WDR1: variants seen among roughly 807,000 people sequenced by gnomAD.
WDR1 encodes the protein WD repeat-containing protein 1.
WDR1 carries 21 observed loss-of-function variants against 71.9 expected under a neutral mutation model. The observed-to-expected ratio is 0.29, with a 90% confidence interval of 0.21 to 0.42. The LOEUF (loss-of-function observed/expected upper bound fraction) is 0.42. Ranked by LOEUF, WDR1 falls within the 10% of genes least tolerant of loss-of-function variation. The pLI is 1.00. For missense variants in WDR1, 696 were observed against 824.5 expected (o/e 0.84, Z 1.91); for synonymous variants, 424 against 347.4 (o/e 1.22, Z -2.45).
chr4:10,116,381 C>T, intron 1 of WDR1, 147 bp from the exon 2 acceptor site: 1 of 1,232,418 alleles, frequency 8.1e-7, no homozygotes, highest in East Asian at 2.5e-5. Flanking sequence ...GCGCCAGGAA[C>T]CGCGCGACTT....
chr4:10,114,836 G>T lies in WDR1; in HGVS notation c.138+1277C>A, dbSNP rs555836896. On this transcript the variant is annotated intron_variant, in intron 2 of 14. Transcript: ENST00000499869. ...CACACCCGCCCACCCCCTCATTTGAGGGGCCCAGCAATCCAGGGCAGGTAG... is the reference window on the plus strand; with the variant it reads ...CACACCCGCCCACCCCCTCATTTGATGGGCCCAGCAATCCAGGGCAGGTAG... 3.9e-5 allele frequency among the ~76,000 whole-genome samples: 6 copies of T among 152,292 alleles called. No individual in the cohort carries two copies. In the South Asian group the frequency reaches 1.2e-3, roughly 32 times the overall value.
intron 14 of WDR1, chr4:10,075,691 C>G (rs1764773439): frequency 5.0e-6 from 3 of 596,084 alleles, no homozygotes; most frequent in Non-Finnish European, 9.0e-6. Context: ...CCGGGTACCT[C>G]TTTTTTGTGT....
chr4:10,083,008 C>A lies in WDR1; in HGVS notation c.1196+14G>T, dbSNP rs914859942. The A allele has an allele frequency of 2.5e-6, 4 of 1,601,766 alleles. No homozygotes were observed. The African/African-American group carries it at 5.4e-5, about 21-fold the overall frequency. ...AGGCTCATCCGGAACCCCCGCAGAC[C>A]CGAGTGCTCTCACCTGTAGTCCCGC... On this transcript the variant is annotated intron_variant, in intron 10 of 14. Coordinates refer to ENST00000499869, the MANE Select transcript of WDR1 (RefSeq NM_017491.5).
At position 10,077,054 on chromosome 4, in the gene WDR1, G is replaced by A. The variant is rs77671405; in HGVS notation, c.1714+250C>T. The A allele has an allele frequency of 1.6e-3, 806 of 500,946 alleles. 8 individuals carry two copies. Among genetic ancestry groups the A allele is most frequent in the African/African-American group, 0.014 (705 of 52,084 alleles). 31.0% of individuals were successfully genotyped at this position (500,946 alleles called of 1,614,324 possible). On this transcript the variant is annotated intron_variant, in intron 14 of 14. Transcript: ENST00000499869. Reference sequence around the variant, plus strand: ...AGGGGTGAGTGGGGGAAGTGAAGATGTCAAAAGTGAGGCCTTCACTCAGCT... The same window carrying A: ...AGGGGTGAGTGGGGGAAGTGAAGATATCAAAAGTGAGGCCTTCACTCAGCT...
At chr4:10,081,649 G>C (rs1765017318) in intron 10 of WDR1, among the ~76,000 whole-genome samples, 3 of 116,334 alleles carry the variant, frequency 2.6e-5, no homozygotes, top group Non-Finnish European at 5.5e-5. Flanking sequence ...TCATAATGGG[G>C]GCCCGGGGAG....
chr4:10,100,456 C>A (rs990036739), intron 3 of WDR1, among the ~76,000 whole-genome samples: 1 of 152,212 alleles, frequency 6.6e-6, no homozygotes, highest in African/African-American at 2.4e-5. Context: ...AACGAGTCCA[C>A]GAATTAACGG....
At chr4:10,093,202 C>A (rs901416395) in intron 5 of WDR1, 1 of 1,250,910 alleles carries the variant, frequency 8.0e-7, no homozygotes, top group African/African-American at 1.5e-5. Context: ...TCTGGGAGCC[C>A]ACCCCATTCC....
At chr4:10,108,362 A>C (rs1448169400) in intron 2 of WDR1, 2 of 152,208 alleles carry the variant, frequency 1.3e-5, no homozygotes, top group Non-Finnish European at 2.9e-5. Context: ...GCCCACAGTG[A>C]ACCTGATGGA....
chr4:10,089,200 C>T (rs922684095), intron 5 of WDR1, among the ~76,000 whole-genome samples: 4 of 152,222 alleles, frequency 2.6e-5, no homozygotes, highest in Non-Finnish European at 5.9e-5. Flanking sequence ...GCTCCGCCTC[C>T]CGGGTTCACG....
intron 8 of WDR1, among the ~76,000 whole-genome samples, chr4:10,086,150 C>T (rs1560532300): frequency 6.6e-6 from 1 of 152,214 alleles, no homozygotes; most frequent in Non-Finnish European, 1.5e-5. Context: ...GCCTTACTCA[C>T]CCGTGTACAA....
At chr4:10,090,522 C>A (rs1484083498) in intron 5 of WDR1, among the ~76,000 whole-genome samples, 1 of 152,200 alleles carries the variant, frequency 6.6e-6, no homozygotes, top group East Asian at 1.9e-4. Context: ...GTGATGCGAC[C>A]CCAGACCTGT....
intron 9 of WDR1, among the ~76,000 whole-genome samples, chr4:10,083,799 G>C (rs906000816): frequency 6.6e-6 from 1 of 152,196 alleles, no homozygotes; most frequent in African/African-American, 2.4e-5. Context: ...AGGCCATGCA[G>C]GAAAAACACA....
At chr4:10,097,649 C>G in intron 5 of WDR1, 62 bp downstream of exon 5, 1 of 1,547,710 alleles carries the variant, frequency 6.5e-7, no homozygotes, top group East Asian at 2.3e-5. Context: ...TCTAAACAGG[C>G]TCAGCCTCTG....
chr4:10,093,183 C>G, intron 5 of WDR1: 1 of 1,283,046 alleles, frequency 7.8e-7, no homozygotes, highest in Non-Finnish European at 1.0e-6. Flanking sequence ...CTAGTCAGCT[C>G]AGGAACCCTC....
chr4:10,081,153 C>T (rs563541078), intron 11 of WDR1, among the ~76,000 whole-genome samples: 2 of 152,356 alleles, frequency 1.3e-5, no homozygotes, highest in East Asian at 1.9e-4. Context: ...ACCAATTTAT[C>T]CATTCCGTGC....
At position 10,081,350 on chromosome 4, in the gene WDR1, T is replaced by TC. The variant is rs559833783; in HGVS notation, c.1284+6dup. ...GCTCCCACCCAAACACTAAGCCAGGTCCCTACCTGTCCAATGCACACGACC... is the reference window on the plus strand; with the variant it reads ...GCTCCCACCCAAACACTAAGCCAGGTCCCCTACCTGTCCAATGCACACGACC... On this transcript the variant is annotated splice_region_variant and intron_variant, in intron 11 of 14. Transcript: ENST00000499869. The TC allele has an allele frequency of 6.2e-7, 1 of 1,613,258 alleles. No homozygotes were observed. The highest frequency in any genetic ancestry group is 8.5e-7 in the Non-Finnish European group (1 of 1,179,576).
chr4:10,079,825 CCT>C (rs747837358), intron 11 of WDR1, among the ~76,000 whole-genome samples: 5 of 152,196 alleles, frequency 3.3e-5, no homozygotes, highest in Non-Finnish European at 5.9e-5. Context: ...TGAAGAGGCA[CCT>C]CTGTCATCTG....
chr4:10,099,665 G>C (rs73807215), intron 3 of WDR1, among the ~76,000 whole-genome samples: 2 of 152,256 alleles, frequency 1.3e-5, no homozygotes, highest in African/African-American at 2.4e-5. Flanking sequence ...TGCCCACTGC[G>C]ATGCCTCAGC....
intron 7 of WDR1, 156 bp downstream of exon 7, chr4:10,088,137 T>A: frequency 1.1e-6 from 1 of 904,862 alleles, no homozygotes; most frequent in Non-Finnish European, 1.7e-6. Flanking sequence ...ATCACCTTAT[T>A]GCGACCTTAA....
Sources: gnomAD v4.1 joint callset for allele counts (sites outside exome capture counted in the v4.1 genomes callset) on GRCh38, gnomAD v4.1.1 for gene constraint, MANE v1.5 for transcripts, NCBI Gene and HGNC (gene_info 2026-07-23, HGNC 2026-07-21) for gene names.